The following CIMIP7 variants were observed in gnomAD, a reference collection of about 807,000 sequenced individuals.
CIMIP7 encodes uncharacterized protein C3orf84.
chr3:49,189,103 G>A, the CIMIP7 span, among the ~76,000 whole-genome samples: 2 of 152,086 alleles, frequency 1.3e-5, no homozygotes, highest in African/African-American at 4.8e-5. Context: ...CCGAATAGCT[G>A]GGATTAGAGG....
At chr3:49,178,461 C>G in the CIMIP7 span, 2 of 1,611,782 alleles carry the variant, frequency 1.2e-6, no homozygotes, top group Middle Eastern at 1.7e-4. Flanking sequence ...GCCTGCCATT[C>G]TTCCTGTCTT....
chr3:49,184,115 AG>A, the CIMIP7 span, among the ~76,000 whole-genome samples: 1 of 152,084 alleles, frequency 6.6e-6, no homozygotes, highest in African/African-American at 2.4e-5. Flanking sequence ...CTCCTACCTC[AG>A]CCTCTGGAGT....
the CIMIP7 span, among the ~76,000 whole-genome samples, chr3:49,184,626 A>AT: frequency 8.9e-3 from 1,194 of 133,610 alleles, 20 homozygotes; most frequent in African/African-American, 0.022. Flanking sequence ...GGCCTATGTA[A>AT]TTTTTTTTTT....
At chr3:49,182,721 G>C in the CIMIP7 span, among the ~76,000 whole-genome samples, 5 of 152,178 alleles carry the variant, frequency 3.3e-5, no homozygotes, top group African/African-American at 1.2e-4. Context: ...AGGGGGCGGC[G>C]CTTGTTGGGG....
the CIMIP7 span, chr3:49,178,429 C>T: frequency 6.4e-7 from 1 of 1,553,666 alleles, no homozygotes; most frequent in Non-Finnish European, 8.9e-7. Context: ...TCTGTCCAGA[C>T]TTCAGCTTAG....
chr3:49,182,546 G>A, the CIMIP7 span, among the ~76,000 whole-genome samples: 1 of 152,196 alleles, frequency 6.6e-6, no homozygotes, highest in Non-Finnish European at 1.5e-5. Context: ...CAATCCCTTA[G>A]CTAGACATAA....
chr3:49,189,848 C>G, the CIMIP7 span: 1 of 746,786 alleles, frequency 1.3e-6, no homozygotes. Context: ...GTTTGGCACT[C>G]ACTCTTTTCC....
At chr3:49,185,476 G>C in the CIMIP7 span, among the ~76,000 whole-genome samples, 1 of 151,816 alleles carries the variant, frequency 6.6e-6, no homozygotes, top group South Asian at 2.1e-4. Context: ...TGAGGTGGGA[G>C]ATTTGCTTGA....
At chr3:49,187,521 C>G in the CIMIP7 span, among the ~76,000 whole-genome samples, 4 of 152,064 alleles carry the variant, frequency 2.6e-5, no homozygotes, top group East Asian at 1.9e-4. Context: ...CCCAACCAGA[C>G]AGGATTCCTG....
the CIMIP7 span, chr3:49,189,954 G>T: frequency 9.1e-7 from 1 of 1,103,194 alleles, no homozygotes; most frequent in South Asian, 1.2e-5. Context: ...GGGCTGGGAT[G>T]ATGCTTTTGG....
the CIMIP7 span, among the ~76,000 whole-genome samples, chr3:49,182,181 T>G: frequency 3.9e-4 from 59 of 152,298 alleles, no homozygotes; most frequent in South Asian, 7.2e-3. Context: ...GAACAAAGCC[T>G]CCACAGCGTG....
the CIMIP7 span, among the ~76,000 whole-genome samples, chr3:49,185,453 C>T: frequency 5.3e-5 from 8 of 151,574 alleles, no homozygotes; most frequent in South Asian, 8.3e-4. Flanking sequence ...GTAATCCCAG[C>T]TACTCAGGAG....
At chr3:49,178,191 C>G in the CIMIP7 span, 2 of 799,696 alleles carry the variant, frequency 2.5e-6, no homozygotes, top group Non-Finnish European at 3.8e-6. Flanking sequence ...CTTGGCCTGC[C>G]TCCCCAGTGA....
the CIMIP7 span, chr3:49,190,097 C>T: frequency 6.2e-7 from 1 of 1,609,802 alleles, no homozygotes; most frequent in Non-Finnish European, 8.5e-7. Context: ...CACTTTCACT[C>T]TTGAATTGGC....
the CIMIP7 span, chr3:49,178,400 C>T: frequency 3.8e-6 from 5 of 1,318,984 alleles, no homozygotes; most frequent in Non-Finnish European, 4.3e-6. Context: ...AGTGTCATCC[C>T]CTCCACCCTA....
chr3:49,190,915 C>T, the CIMIP7 span, among the ~76,000 whole-genome samples: 1 of 152,138 alleles, frequency 6.6e-6, no homozygotes, highest in Non-Finnish European at 1.5e-5. Flanking sequence ...GATCTGCCCA[C>T]CTTGGCCTCC....
At chr3:49,184,610 G>A in the CIMIP7 span, among the ~76,000 whole-genome samples, 876 of 151,324 alleles carry the variant, frequency 5.8e-3, 11 homozygotes, top group African/African-American at 0.02. Context: ...ATGACCCACC[G>A]CACCTGGCCT....
the CIMIP7 span, chr3:49,178,465 C>T: frequency 2.5e-6 from 4 of 1,612,398 alleles, no homozygotes; most frequent in Non-Finnish European, 2.5e-6. Context: ...GCCATTCTTC[C>T]TGTCTTCGGC....
At chr3:49,189,809 C>A in the CIMIP7 span, 1 of 706,168 alleles carries the variant, frequency 1.4e-6, no homozygotes, top group Non-Finnish European at 2.7e-6. Context: ...CTTTGTCCAT[C>A]TAGAAGGGGC....
Sources: gnomAD v4.1 joint callset for allele counts (sites outside exome capture counted in the v4.1 genomes callset) on GRCh38, gnomAD v4.1.1 for gene constraint, MANE v1.5 for transcripts, NCBI Gene and HGNC (gene_info 2026-07-23, HGNC 2026-07-21) for gene names.